Variants in ZNF454 observed in about 807,000 individuals in gnomAD.
ZNF454 encodes the protein zinc finger protein 454.
In ZNF454, 30 loss-of-function variants were observed where a neutral mutation model predicts 48.2. The observed-to-expected ratio is 0.62, with a 90% confidence interval of 0.47 to 0.84. ZNF454 has a LOEUF of 0.84. Among genes scored for constraint, ZNF454 ranks in the 40% least tolerant of loss-of-function variants. The pLI, the probability that ZNF454 is intolerant of heterozygous loss-of-function variation, is 0.00. For missense variants in ZNF454, 510 were observed against 623.1 expected (o/e 0.82, Z 1.93); for synonymous variants, 204 against 211.4 (o/e 0.97, Z 0.30).
intron 4 of ZNF454, among the ~76,000 whole-genome samples, chr5:178,958,034 G>A (rs1343482040): frequency 6.6e-6 from 1 of 152,058 alleles, no homozygotes; most frequent in East Asian, 1.9e-4. Context: ...AGAAAAGAAA[G>A]CTAGAAATTG....
chr5:178,945,091 G>A (rs1216887252), intron 2 of ZNF454, among the ~76,000 whole-genome samples: 2 of 100,896 alleles, frequency 2.0e-5, no homozygotes, highest in Non-Finnish European at 4.2e-5. Flanking sequence ...GTGGGGGGGT[G>A]TGTGTGTTCG....
chr5:178,965,495 C>G lies in ZNF454; in HGVS notation c.1091C>G (p.Ala364Gly), dbSNP rs764191999. 285 of 1,613,968 alleles carry G rather than the reference C, an allele frequency of 1.8e-4. No individual in the cohort carries two copies. Among genetic ancestry groups the G allele is most frequent in the Non-Finnish European group, 2.3e-4 (269 of 1,180,020 alleles). ...KPFECNECGKAFRVNSSLTEH... is the reference protein window; with the variant it reads ...KPFECNECGKGFRVNSSLTEH... ...TTTGAATGTAATGAATGTGGGAAGG[C>G]CTTCAGGGTGAACTCTTCCCTTACT... The change falls in exon 5 of 5, where the codon GCC (alanine) becomes GGC (glycine). Residue 364 changes from alanine to glycine, a missense_variant. Physicochemically the swap from Ala to Gly is moderately conservative, Grantham distance 60 (BLOSUM62 0). Transcript: ENST00000519564. The surrounding 1 kb of genome is among the most constrained non-coding windows in gnomAD (Gnocchi z 5.2).
rs561596558 is a variant in ZNF454 at position 178,944,721 on chromosome 5, C to G, written c.34-1638C>G. On this transcript the variant is annotated intron_variant, in intron 2 of 4. Coordinates refer to ENST00000519564, the MANE Select transcript of ZNF454 (RefSeq NM_001178089.3). This position sits in a 1 kb window ranked among gnomAD's most constrained non-coding sequence, Gnocchi z 4.1. ...GTGGGATCTACAATAACCTGAGAGTCCTTTCTCTTGGACCTTTGGTTCCTT... is the reference window on the plus strand; with the variant it reads ...GTGGGATCTACAATAACCTGAGAGTGCTTTCTCTTGGACCTTTGGTTCCTT... 3.3e-5 allele frequency among the ~76,000 whole-genome samples: 5 copies of G among 152,332 alleles called. No individual in the cohort carries two copies. Among genetic ancestry groups the G allele is most frequent in the African/African-American group, 1.2e-4 (5 of 41,576 alleles).
chr5:178,954,536 T>C (rs1266791390), intron 4 of ZNF454, among the ~76,000 whole-genome samples: 1 of 152,232 alleles, frequency 6.6e-6, no homozygotes, highest in South Asian at 2.1e-4. Flanking sequence ...TCTACTGAGA[T>C]TTTAAAAATA....
At chr5:178,988,789 A>C in the ZNF454 span, 1 of 666,718 alleles carries the variant, frequency 1.5e-6, no homozygotes, top group Non-Finnish European at 2.7e-6. This position sits in a 1 kb window ranked among gnomAD's most constrained non-coding sequence, Gnocchi z 6.0. Context: ...AACTTGTCTC[A>C]TGTCTTTGGC....
At chr5:178,949,818 T>C (rs1433016729) in intron 4 of ZNF454, among the ~76,000 whole-genome samples, 2 of 152,132 alleles carry the variant, frequency 1.3e-5, no homozygotes, top group Non-Finnish European at 1.5e-5. Context: ...GGTTTTACCA[T>C]GTTGGCCAGG....
At chr5:178,985,265 A>G in the ZNF454 span, 3 of 456,504 alleles carry the variant, frequency 6.6e-6, no homozygotes, top group Middle Eastern at 3.3e-4. Context: ...AAATAACTTC[A>G]CTGTTGTACA....
Position 178,946,885 on chromosome 5 carries a change from C to T in ZNF454, c.161-12C>T, listed in dbSNP as rs1025713422. The T allele has an allele frequency of 2.5e-6, 4 of 1,610,662 alleles. No individual in the cohort carries two copies. Among genetic ancestry groups the T allele is most frequent in the South Asian group, 1.1e-5 (1 of 90,684 alleles). ...ACAGATGTGGTTCATTTTTGTCTCC[C>T]CTTAAAAACAGGACTCTTAGGACCC... On this transcript the variant is annotated splice_polypyrimidine_tract_variant and intron_variant, in intron 3 of 4. Transcript: ENST00000519564. This position sits in a 1 kb window ranked among gnomAD's most constrained non-coding sequence, Gnocchi z 4.5.
At chr5:178,983,106 G>A in the ZNF454 span, 132 of 1,613,960 alleles carry the variant, frequency 8.2e-5, no homozygotes, top group Non-Finnish European at 8.7e-5. Context: ...AGACAGATCC[G>A]ACATGTCGCA....
the ZNF454 span, among the ~76,000 whole-genome samples, chr5:178,975,237 C>T: frequency 3.3e-4 from 50 of 152,178 alleles, no homozygotes; most frequent in African/African-American, 1.1e-3. Context: ...GCTCAGATCA[C>T]GCCACTGCAC....
chr5:178,951,554 T>C (rs1002689496), intron 4 of ZNF454, among the ~76,000 whole-genome samples: 4 of 152,242 alleles, frequency 2.6e-5, no homozygotes, highest in Non-Finnish European at 5.9e-5. Context: ...TGTACTTTAC[T>C]GTAGAAACCT....
In ZNF454 at chr5:178,953,094, A is replaced by T. The variant is rs976985192; in HGVS notation, c.250+6108A>T. Among the ~76,000 whole-genome samples the T allele has an allele frequency of 5.3e-5, 8 of 152,118 alleles. No individual in the cohort carries two copies. In the East Asian group the frequency reaches 1.5e-3, roughly 29 times the overall value. ...TTGATATATTTGCTTCCATTTCTGC[A>T]AGTGACATGTTTGTGTTGCTACCTC... On this transcript the variant is annotated intron_variant, in intron 4 of 4. Coordinates refer to ENST00000519564, the MANE Select transcript of ZNF454 (RefSeq NM_001178089.3).
At chr5:178,966,572 T>C (rs1297013763), downstream of ZNF454, 2 of 152,058 alleles carry the variant, frequency 1.3e-5, no homozygotes, top group African/African-American at 4.8e-5. Flanking sequence ...AAAAAATTGG[T>C]TTATCAAATT....
At chr5:178,964,322 G>A (rs534736601) in intron 4 of ZNF454, among the ~76,000 whole-genome samples, 25 of 151,924 alleles carry the variant, frequency 1.6e-4, no homozygotes, top group Non-Finnish European at 2.6e-4. Flanking sequence ...GGGTTTCACC[G>A]TGTTAGCCAG....
chr5:178,946,272 C>A lies in ZNF454; in HGVS notation c.34-87C>A. On this transcript the variant is annotated intron_variant, in intron 2 of 4. Coordinates refer to ENST00000519564, the MANE Select transcript of ZNF454 (RefSeq NM_001178089.3). The surrounding 1 kb of genome is among the most constrained non-coding windows in gnomAD (Gnocchi z 4.5). ...GTGCCAGCAGTCCTGTAAATGCGCA[C>A]AAGCTCCTAGGGGCTGCCAGTCTCT... is the stretch of plus-strand genomic sequence containing the variant. 1 of 1,560,668 alleles carries A rather than the reference C, an allele frequency of 6.4e-7. No homozygotes were observed. The highest frequency in any genetic ancestry group is 1.4e-5 in the African/African-American group (1 of 72,018).
intron 4 of ZNF454, among the ~76,000 whole-genome samples, chr5:178,953,310 G>A (rs967570807): frequency 2.0e-5 from 3 of 152,008 alleles, no homozygotes; most frequent in Non-Finnish European, 2.9e-5. Context: ...GAGCTGTGTC[G>A]GAAATTATGA....
At chr5:178,977,701 C>G in the ZNF454 span, among the ~76,000 whole-genome samples, 1 of 152,068 alleles carries the variant, frequency 6.6e-6, no homozygotes, top group Admixed American at 6.6e-5. Context: ...CCCCGAGTAA[C>G]TGGGATTGCA....
At chr5:178,983,530 G>C in the ZNF454 span, 1 of 576,974 alleles carries the variant, frequency 1.7e-6, no homozygotes, top group Non-Finnish European at 3.3e-6. Context: ...TCCTCTTCCT[G>C]CATTCTAGCC....
chr5:178,949,171 C>T (rs1181396332), intron 4 of ZNF454, among the ~76,000 whole-genome samples: 1 of 152,160 alleles, frequency 6.6e-6, no homozygotes, highest in Non-Finnish European at 1.5e-5. Flanking sequence ...CTGCCTCTGC[C>T]TCCCAAGTAG....
Sources: gnomAD v4.1 joint callset for allele counts (sites outside exome capture counted in the v4.1 genomes callset) on GRCh38, gnomAD v4.1.1 for gene constraint, Gnocchi (gnomAD v3.1) non-coding constraint, MANE v1.5 for transcripts, NCBI Gene and HGNC (gene_info 2026-07-23, HGNC 2026-07-21) for gene names.